ANKRD31: variants seen among roughly 807,000 people sequenced by gnomAD.
ANKRD31 encodes the protein ankyrin repeat domain-containing protein 31.
Under a neutral mutation model 186.0 loss-of-function variants are expected in ANKRD31, and 147 were observed. The ratio of observed to expected loss-of-function variants is 0.79; its 90% CI spans 0.69 to 0.91. The LOEUF is 0.91. ANKRD31 is among the 40% of genes least tolerant of loss of function. ANKRD31 has a pLI of 0.00. For missense variants in ANKRD31, 1,986 were observed against 2,148.8 expected (o/e 0.92, Z 1.50); for synonymous variants, 673 against 736.4 (o/e 0.91, Z 1.39).
intron 4 of ANKRD31, among the ~76,000 whole-genome samples, chr5:75,210,408 A>G (rs996075766): frequency 5.3e-5 from 8 of 152,214 alleles, no homozygotes; most frequent in Non-Finnish European, 4.4e-5. Context: ...TCCCGACCTC[A>G]GGTAATCTGC....
At chr5:75,183,946 A>T (rs550286324) in intron 10 of ANKRD31, among the ~76,000 whole-genome samples, 2 of 152,232 alleles carry the variant, frequency 1.3e-5, no homozygotes, top group East Asian at 3.9e-4. Context: ...ACCCCCAAAC[A>T]GCCAAAGCAA....
chr5:75,116,676 T>C lies in ANKRD31; in HGVS notation c.4045A>G (p.Ile1349Val). Residue 1349 changes from isoleucine to valine, a missense_variant, in exon 19 of 26, where the codon ATT becomes GTT. Transcript: ENST00000506364. ...TGTCTTTTAGACCGGACAGCAGGAATTTTTTCTTTAAAAAGTAAAATTAGA... is the reference window on the plus strand; with the variant it reads ...TGTCTTTTAGACCGGACAGCAGGAACTTTTTCTTTAAAAAGTAAAATTAGA... ...DESDAIVNEKIPAVRSKRHKQ... is the reference protein window; with the variant it reads ...DESDAIVNEKVPAVRSKRHKQ... 3 of 1,401,186 alleles carry C rather than the reference T, an allele frequency of 2.1e-6. No individual in the cohort carries two copies. Among genetic ancestry groups the C allele is most frequent in the Non-Finnish European group, 2.8e-6 (3 of 1,071,744 alleles). The allele number at this position is 1,401,186 out of a possible 1,614,324, so 86.8% of individuals were successfully genotyped here. A position where few individuals can be genotyped will look rare whatever the true frequency, so the allele number is the denominator to read the frequency against.
intron 4 of ANKRD31, among the ~76,000 whole-genome samples, chr5:75,207,009 C>G (rs1347387317): frequency 2.6e-5 from 4 of 152,114 alleles, no homozygotes; most frequent in Non-Finnish European, 5.9e-5. Flanking sequence ...GCCTAATCTG[C>G]AATTTTCATC....
intron 1 of ANKRD31, among the ~76,000 whole-genome samples, chr5:75,236,015 T>C (rs940994563): frequency 1.3e-5 from 2 of 152,158 alleles, no homozygotes; most frequent in Admixed American, 1.3e-4. Flanking sequence ...TGAGCACATA[T>C]GAAGCAGACC....
intron 11 of ANKRD31, among the ~76,000 whole-genome samples, chr5:75,166,896 A>C (rs1435676256): frequency 1.3e-5 from 2 of 152,160 alleles, no homozygotes; most frequent in Non-Finnish European, 2.9e-5. Context: ...TCCACTCTTT[A>C]AAAAATGTAT....
At chr5:75,074,827 G>A (rs1482428524) in intron 25 of ANKRD31, among the ~76,000 whole-genome samples, 1 of 151,964 alleles carries the variant, frequency 6.6e-6, no homozygotes, top group Admixed American at 6.6e-5. Flanking sequence ...TATTATATAA[G>A]AGCATTAAAA....
At position 75,230,597 on chromosome 5, in the gene ANKRD31, A is replaced by T; in HGVS notation, c.143T>A (p.Phe48Tyr). ...TCCTCTTGTATCAGGATGCAGACTG[A>T]ACTCAGATTTAAGAGATGCGTCTTG... is the stretch of plus-strand genomic sequence containing the variant. ...FDQDASLKSE[F>Y]SLHPDTRGMC... Residue 48 changes from phenylalanine to tyrosine, a missense_variant, in exon 2 of 26, where the codon TTC becomes TAC. By Grantham distance (22) the Phe-to-Tyr change is conservative (BLOSUM62 3). Transcript: ENST00000506364. 2 of 1,537,028 alleles carry T rather than the reference A, an allele frequency of 1.3e-6. No individual in the cohort carries two copies. Among genetic ancestry groups the T allele is most frequent in the Non-Finnish European group, 1.7e-6 (2 of 1,146,770 alleles).
chr5:75,125,952 G>C (rs922934667), intron 17 of ANKRD31, among the ~76,000 whole-genome samples: 6 of 152,140 alleles, frequency 3.9e-5, no homozygotes, highest in Non-Finnish European at 8.8e-5. Context: ...TAATGACTTA[G>C]AGACATTCTA....
chr5:75,142,366 T>G (rs1451179667), intron 15 of ANKRD31, among the ~76,000 whole-genome samples: 1 of 152,072 alleles, frequency 6.6e-6, no homozygotes, highest in African/African-American at 2.4e-5. Flanking sequence ...AGCTTTTTCT[T>G]TTTTTGTCCT....
chr5:75,207,405 T>C (rs1396264796), intron 4 of ANKRD31, among the ~76,000 whole-genome samples: 1 of 152,174 alleles, frequency 6.6e-6, no homozygotes, highest in Non-Finnish European at 1.5e-5. Context: ...TTTTTTCCCT[T>C]AATTGCAAGA....
intron 17 of ANKRD31, among the ~76,000 whole-genome samples, chr5:75,129,886 G>A (rs1749608680): frequency 6.6e-6 from 1 of 152,148 alleles, no homozygotes; most frequent in African/African-American, 2.4e-5. Context: ...CCTAGCCAAG[G>A]GAAGCCATGA....
intron 11 of ANKRD31, among the ~76,000 whole-genome samples, chr5:75,167,045 C>CG (rs1554083951): frequency 3.3e-5 from 5 of 152,012 alleles, no homozygotes; most frequent in African/African-American, 1.2e-4. Context: ...TTTCATTCCC[C>CG]CTAAAAGAAA....
rs373959148 is a variant in ANKRD31 at position 75,126,112 on chromosome 5, C to G, written c.3877-7815G>C. 3.3e-5 allele frequency among the ~76,000 whole-genome samples: 5 copies of G among 152,220 alleles called. No individual in the cohort carries two copies. The East Asian group carries it at 5.8e-4, about 18-fold the overall frequency. The stretch of plus-strand genomic sequence containing the variant: ...TCAGAATGCAGTTTTTGTGTCTGGT[C>G]TCTTTGACTTAGCATGATGATTTTA... On this transcript the variant is annotated intron_variant, in intron 17 of 25. Transcript: ENST00000506364.
intron 9 of ANKRD31, among the ~76,000 whole-genome samples, chr5:75,191,534 A>T (rs549693444): frequency 6.6e-6 from 1 of 152,054 alleles, no homozygotes; most frequent in Non-Finnish European, 1.5e-5. Flanking sequence ...AAATTTTCTC[A>T]TAGCTACTCT....
chr5:75,202,246 C>G (rs16872461), intron 5 of ANKRD31, among the ~76,000 whole-genome samples: 5,585 of 152,194 alleles, frequency 0.037, 332 homozygotes, highest in African/African-American at 0.13. Flanking sequence ...GGACTCTTCT[C>G]GTTGACGAAA....
intron 11 of ANKRD31, among the ~76,000 whole-genome samples, chr5:75,162,403 A>C (rs759174062): frequency 1.3e-5 from 2 of 152,146 alleles, no homozygotes; most frequent in Non-Finnish European, 2.9e-5. Context: ...GGCTGTATTT[A>C]CCCAATGCCT....
chr5:75,123,970 A>G (rs1246942099), intron 17 of ANKRD31, among the ~76,000 whole-genome samples: 1 of 152,154 alleles, frequency 6.6e-6, no homozygotes, highest in African/African-American at 2.4e-5. Context: ...GGCAAAGGGA[A>G]TAATAAAAAA....
chr5:75,170,071 A>G (rs59971333), intron 10 of ANKRD31, among the ~76,000 whole-genome samples: 7,403 of 152,208 alleles, frequency 0.049, 393 homozygotes, highest in African/African-American at 0.13. Context: ...ATATATAGTT[A>G]ACAAGGTTTT....
intron 3 of ANKRD31, among the ~76,000 whole-genome samples, chr5:75,213,489 A>C (rs755116297): frequency 1.3e-5 from 2 of 152,138 alleles, no homozygotes. Flanking sequence ...CTCTATAGAC[A>C]GAACTACCAA....
Sources: gnomAD v4.1 joint callset for allele counts (sites outside exome capture counted in the v4.1 genomes callset) on GRCh38, gnomAD v4.1.1 for gene constraint, MANE v1.5 for transcripts, NCBI Gene and HGNC (gene_info 2026-07-23, HGNC 2026-07-21) for gene names.